Variants in SFPQ observed in about 807,000 individuals in gnomAD.
SFPQ encodes the protein splicing factor, proline- and glutamine-rich.
In SFPQ, 11 loss-of-function variants were observed where a neutral mutation model predicts 72.9. The ratio of observed to expected loss-of-function variants is 0.15; its 90% CI spans 0.09 to 0.25. The LOEUF (loss-of-function observed/expected upper bound fraction) is 0.25. Among genes scored for constraint, SFPQ ranks in the 10% least tolerant of loss-of-function variants. The pLI is 1.00. For synonymous variants in SFPQ, 506 were observed against 367.3 expected (o/e 1.38, Z -4.32); for missense variants, 847 against 993.3 (o/e 0.85, Z 1.98).
chr1:35,191,214 G>A (rs1410859207), intron 2 of SFPQ, 127 bp downstream of exon 2: 2 of 895,444 alleles, frequency 2.2e-6, no homozygotes, highest in African/African-American at 3.4e-5. Flanking sequence ...TTTCCTGTAA[G>A]AATGGTGAAA....
At chr1:35,189,540 C>T (rs1639892528) in intron 4 of SFPQ, among the ~76,000 whole-genome samples, 158 bp from the exon 5 acceptor site, 1 of 152,170 alleles carries the variant, frequency 6.6e-6, no homozygotes, top group East Asian at 1.9e-4. Context: ...AGCAAAAATA[C>T]TCAGAACACT....
At chr1:35,188,866 CAA>C in intron 6 of SFPQ, 135 bp downstream of exon 6, 2 of 676,914 alleles carry the variant, frequency 3.0e-6, no homozygotes. Flanking sequence ...GAGGCTGAGG[CAA>C]GAGAATCGCT....
At chr1:35,180,111 T>TA (rs1354085712), downstream of SFPQ, 19 of 1,049,322 alleles carry the variant, frequency 1.8e-5, no homozygotes, top group African/African-American at 2.5e-4. Flanking sequence ...TTTTTCTTGA[T>TA]ACACAGAAGA....
At chr1:35,180,754 T>A (rs1639432860), downstream of SFPQ, 3 of 1,060,884 alleles carry the variant, frequency 2.8e-6, no homozygotes, top group Non-Finnish European at 2.3e-6. Context: ...AGAGACTAAT[T>A]ATCACATGCT....
downstream of SFPQ, chr1:35,182,322 T>C: frequency 1.0e-6 from 1 of 985,396 alleles, no homozygotes; most frequent in Non-Finnish European, 1.2e-6. Flanking sequence ...GAAAATCTCT[T>C]ATGTATCACC....
rs755326062 is a variant in SFPQ, at chr1:35,189,031, TTTC to T, written c.1666_1668del (p.Glu556del). 1 of 1,612,470 alleles carries T rather than the reference TTTC, an allele frequency of 6.2e-7. No homozygotes were observed. The highest frequency in any genetic ancestry group is 1.1e-5 in the South Asian group (1 of 90,996). On this transcript the variant is annotated inframe_deletion, in exon 6 of 10. Coordinates refer to ENST00000357214, the MANE Select transcript of SFPQ (RefSeq NM_005066.3). ...AATTGCATTTCTTTACGTTTCTGCA[TTTC>T]TTGATTGTGAAGTTCTTCCATGCGT...
chr1:35,180,936 G>C (rs1396434927), downstream of SFPQ: 4 of 985,158 alleles, frequency 4.1e-6, no homozygotes, highest in East Asian at 4.5e-4. Flanking sequence ...TTTTATCTGA[G>C]AACTGCAACA....
intron 1 of SFPQ, among the ~76,000 whole-genome samples, chr1:35,191,882 C>G (rs563450693): frequency 6.6e-6 from 1 of 152,386 alleles, no homozygotes; most frequent in African/African-American, 2.4e-5. Flanking sequence ...TGCGCCTGCG[C>G]TTTTATGGAA....
At chr1:35,178,071 C>T (rs1188397752), downstream of SFPQ, 2 of 1,265,088 alleles carry the variant, frequency 1.6e-6, no homozygotes, top group East Asian at 4.4e-5. Context: ...ATATAAAAGA[C>T]AAGGGTATAA....
downstream of SFPQ, chr1:35,179,533 T>C (rs1182944403): frequency 1.9e-6 from 2 of 1,052,792 alleles, no homozygotes; most frequent in African/African-American, 1.7e-5. Context: ...CGGTATAGCA[T>C]TATTACTGAA....
downstream of SFPQ, chr1:35,181,919 T>C: frequency 1.0e-6 from 1 of 985,340 alleles, no homozygotes; most frequent in South Asian, 4.7e-5. Flanking sequence ...CAAATGTCAT[T>C]TGAAACTAAG....
Position 35,191,417 on chromosome 1 carries a change from T to C in SFPQ, c.941A>G (p.Lys314Arg), listed in dbSNP as rs781492496. 1.2e-6 allele frequency: 2 copies of C among 1,614,154 alleles called. No homozygotes were observed. Among genetic ancestry groups the C allele is most frequent in the Non-Finnish European group, 1.7e-6 (2 of 1,179,978 alleles). Reference protein sequence around the residue: ...LPADITEDEFKRLFAKYGEPG... With the variant: ...LPADITEDEFRRLFAKYGEPG... ...TTCTCCATATTTAGCAAATAGTCTT[T>C]TGAATTCATCCTCCGTGATATCAGC... The change falls in exon 2 of 10, where the codon AAA (lysine) becomes AGA (arginine). Residue 314 changes from lysine (K) to arginine (R), a missense_variant. By Grantham distance (26) the Lys-to-Arg change is conservative. Coordinates refer to ENST00000357214, the MANE Select transcript of SFPQ (RefSeq NM_005066.3).
chr1:35,183,852 G>T lies in SFPQ; in HGVS notation c.*604C>A. ...TAATACATATTCCTGAAGATTTACA[G>T]TTCAGCTTTGCTTACATAACCATTT... On this transcript the variant is annotated 3_prime_UTR_variant, in exon 10 of 10. Coordinates refer to ENST00000357214, the MANE Select transcript of SFPQ (RefSeq NM_005066.3). 5 of 1,054,900 alleles carry T rather than the reference G, an allele frequency of 4.7e-6. No individual in the cohort carries two copies. The highest frequency in any genetic ancestry group is 5.7e-6 in the Non-Finnish European group (5 of 872,670). 65.3% of individuals were successfully genotyped at this position (1,054,900 alleles called of 1,614,324 possible).
intron 5 of SFPQ, chr1:35,177,091 T>G (rs1370499091): frequency 6.6e-6 from 1 of 152,074 alleles, no homozygotes; most frequent in Non-Finnish European, 1.5e-5. Flanking sequence ...AGAACATGCC[T>G]GTAATCCCAG....
At position 35,192,454 on chromosome 1, in the gene SFPQ, T is replaced by G. The variant is rs945145814; in HGVS notation, c.596A>C (p.Lys199Thr). The G allele has an allele frequency of 2.2e-6, 3 of 1,383,288 alleles. No homozygotes were observed. In the Admixed American group the frequency reaches 1.1e-4, roughly 52 times the overall value. 85.7% of individuals were successfully genotyped at this position (1,383,288 alleles called of 1,614,324 possible). A position where few individuals can be genotyped will look rare whatever the true frequency, so the allele number is the denominator to read the frequency against. ...AAVPGPGPGP[K>T]QGPGPGGPKG... ...GGGACCACCCGGACCTGGGCCCTGCTTAGGCCCTGGACCCGGGCCCGGGAC... is the reference window on the plus strand; with the variant it reads ...GGGACCACCCGGACCTGGGCCCTGCGTAGGCCCTGGACCCGGGCCCGGGAC... Residue 199 changes from lysine (K) to threonine (T), a missense_variant, in exon 1 of 10, where the codon AAG becomes ACG. This residue lies in a region of SFPQ where 498 missense variants were observed against 405.1 expected (regional missense o/e 1.23). Transcript: ENST00000357214.
chr1:35,192,778 GGATGCGGCGGCGGCT>G lies in SFPQ; in HGVS notation c.257_271del (p.Gln86_His90del), dbSNP rs774255181. ...CGGCTGCTGCTGCTGATGCGGCTGTGGATGCGGCGGCGGCTGATGCGGTGGCGGCTGCTGCGGCGG... is the reference window on the plus strand; with the variant it reads ...CGGCTGCTGCTGCTGATGCGGCTGTGGATGCGGTGGCGGCTGCTGCGGCGG... On this transcript the variant is annotated inframe_deletion, in exon 1 of 10. Transcript: ENST00000357214. The G allele has an allele frequency of 7.9e-4, 1,188 of 1,501,968 alleles. No individual in the cohort carries two copies. Among genetic ancestry groups the G allele is most frequent in the African/African-American group, 1.0e-3 (70 of 69,356 alleles). 93.0% of individuals were successfully genotyped at this position (1,501,968 alleles called of 1,614,324 possible). A position where few individuals can be genotyped will look rare whatever the true frequency, so the allele number is the denominator to read the frequency against.
intron 1 of SFPQ, 36 bp from the exon 2 acceptor site, chr1:35,191,565 G>A (rs1639997768): frequency 2.6e-6 from 4 of 1,516,854 alleles, no homozygotes; most frequent in East Asian, 2.3e-5. Flanking sequence ...AAACACCAGA[G>A]ACCTCTGCAA....
At position 35,191,458 on chromosome 1, in the gene SFPQ, A is replaced by G. The variant is rs994392992; in HGVS notation, c.900T>C (p.Phe300=). ...EKTYTQRCRL[F]VGNLPADITE... ...TGATATCAGCAGGTAGATTCCCAACAAACAACCGACATCGCTGTGTGTAAG... is the reference window on the plus strand; with the variant it reads ...TGATATCAGCAGGTAGATTCCCAACGAACAACCGACATCGCTGTGTGTAAG... Residue 300 remains phenylalanine, a synonymous_variant, in exon 2 of 10, where the codon TTT becomes TTC. Transcript: ENST00000357214. 6.2e-7 allele frequency: 1 copy of G among 1,614,190 alleles called. No individual in the cohort carries two copies. The highest frequency in any genetic ancestry group is 2.2e-5 in the East Asian group (1 of 44,880).
downstream of SFPQ, chr1:35,182,335 T>C (rs1184825381): frequency 2.0e-6 from 2 of 985,294 alleles, no homozygotes; most frequent in East Asian, 1.1e-4. Context: ...GTATCACCAA[T>C]TAATAACCTG....
Sources: gnomAD v4.1 joint callset for allele counts (sites outside exome capture counted in the v4.1 genomes callset) on GRCh38, gnomAD v4.1.1 for gene constraint, gnomAD v4.1.1 regional missense constraint, MANE v1.5 for transcripts, NCBI Gene and HGNC (gene_info 2026-07-23, HGNC 2026-07-21) for gene names.